CACNA1I: variants seen among roughly 807,000 people sequenced by gnomAD.
CACNA1I encodes the protein calcium voltage-gated channel subunit alpha1 I.
Under a neutral mutation model 201.6 loss-of-function variants are expected in CACNA1I, and 74 were observed. That is an observed-to-expected ratio of 0.37 (90% CI 0.30 to 0.45). The LOEUF (loss-of-function observed/expected upper bound fraction) is 0.45. Among genes scored for constraint, CACNA1I ranks in the 20% least tolerant of loss-of-function variants. CACNA1I has a pLI of 1.00. For synonymous variants in CACNA1I, 1,431 were observed against 1,345.2 expected, an observed-to-expected ratio of 1.06 and a Z score of -1.40; for missense variants, 2,346 against 3,138.1, an observed-to-expected ratio of 0.75 and a Z score of 6.03.
chr22:39,613,660 T>C (rs1933446042), intron 3 of CACNA1I, among the ~76,000 whole-genome samples: 1 of 152,210 alleles, frequency 6.6e-6, no homozygotes, highest in African/African-American at 2.4e-5. Context: ...ATGCTGGCCC[T>C]GGTCCTAGTG....
rs769359907 is a variant in CACNA1I at position 39,641,122 on chromosome 22, C to A, written c.996C>A (p.Asn332Lys). 1 of 1,614,004 alleles carries A rather than the reference C, an allele frequency of 6.2e-7. No individual in the cohort carries two copies. Among genetic ancestry groups the A allele is most frequent in the East Asian group, 2.2e-5 (1 of 44,856 alleles). Residue 332 changes from asparagine (N) to lysine (K), a missense_variant, in exon 6 of 37, where the codon AAC (asparagine) becomes AAA (lysine). This residue lies in a region of CACNA1I where 227 missense variants were observed against 412.5 expected (regional missense o/e 0.55). Coordinates refer to ENST00000402142, the MANE Select transcript of CACNA1I (RefSeq NM_021096.4). ...YYNVCRTGSA[N>K]PHKGAINFDN... is the part of the protein sequence containing the mutation. ...ATGTGTGCCGCACGGGCAGCGCCAACCCCCACAAGGGTGCCATCAACTTTG... is the reference window on the plus strand; with the variant it reads ...ATGTGTGCCGCACGGGCAGCGCCAAACCCCACAAGGGTGCCATCAACTTTG...
At position 39,665,500 on chromosome 22, in the gene CACNA1I, T is replaced by C; in HGVS notation, c.3854T>C (p.Val1285Ala). 1 of 1,613,590 alleles carries C rather than the reference T, an allele frequency of 6.2e-7. No homozygotes were observed. The highest frequency in any genetic ancestry group is 8.5e-7 in the Non-Finnish European group (1 of 1,179,734). ...GCCTGGCCTCTCCCTGCCGTCAGTG[T>C]CATCAGCCGGGCGCCGGGCCTGAAG... ...RLLRTLRPLR[V>A]ISRAPGLKLV... Residue 1285 changes from valine to alanine, a missense_variant and splice_region_variant, in exon 22 of 37, where the codon GTC (valine) becomes GCC (alanine). Val to Ala is a moderately conservative substitution (Grantham distance 64). Transcript: ENST00000402142. The surrounding 1 kb of genome is among the most constrained non-coding windows in gnomAD (Gnocchi z 5.5).
chr22:39,614,577 G>T (rs1388684541), intron 3 of CACNA1I, among the ~76,000 whole-genome samples: 1 of 152,254 alleles, frequency 6.6e-6, no homozygotes, highest in Non-Finnish European at 1.5e-5. Flanking sequence ...TGGCTTAAGG[G>T]CTGGGCTGCC....
chr22:39,655,213 A>G (rs892937210), intron 10 of CACNA1I, among the ~76,000 whole-genome samples: 8 of 152,188 alleles, frequency 5.3e-5, no homozygotes, highest in East Asian at 1.9e-4. Context: ...GGCCTAATCA[A>G]CGCTAGCTGC....
chr22:39,600,886 G>C (rs1933012371), intron 3 of CACNA1I, among the ~76,000 whole-genome samples: 1 of 152,174 alleles, frequency 6.6e-6, no homozygotes, highest in Admixed American at 6.5e-5. Context: ...GCTAATTAAT[G>C]ATACGACCTT....
intron 1 of CACNA1I, among the ~76,000 whole-genome samples, chr22:39,579,771 T>G (rs2145803424): frequency 6.6e-6 from 1 of 152,114 alleles, no homozygotes; most frequent in South Asian, 2.1e-4. Context: ...CTCAGCCTCC[T>G]GAGTAGCTGG....
At position 39,682,532 on chromosome 22, in the gene CACNA1I, G is replaced by C; in HGVS notation, c.5701G>C (p.Asp1901His). The C allele has an allele frequency of 3.7e-6, 6 of 1,613,800 alleles. No homozygotes were observed. Among genetic ancestry groups the C allele is most frequent in the Non-Finnish European group, 4.2e-6 (5 of 1,179,868 alleles). ...LDPPEPMRVG[D>H]LGECFFPLSS... ...CCCACCTGAGCCCATGCGTGTGGGAGACCTGGGCGAATGCTTCTTCCCCTT... is the reference window on the plus strand; with the variant it reads ...CCCACCTGAGCCCATGCGTGTGGGACACCTGGGCGAATGCTTCTTCCCCTT... Residue 1901 changes from aspartate to histidine, a missense_variant, in exon 35 of 37, where the codon GAC (aspartate) becomes CAC (histidine). By Grantham distance (81) the Asp-to-His change is moderately conservative (BLOSUM62 -1). This residue lies in a region of CACNA1I where 441 missense variants were observed against 555.6 expected (regional missense o/e 0.79). Coordinates refer to ENST00000402142, the MANE Select transcript of CACNA1I (RefSeq NM_021096.4).
intron 1 of CACNA1I, among the ~76,000 whole-genome samples, chr22:39,573,745 C>G (rs1351193167): frequency 6.6e-6 from 1 of 152,158 alleles, no homozygotes; most frequent in Non-Finnish European, 1.5e-5. Context: ...TGGTTTTCAC[C>G]ACCCCTCTCA....
At chr22:39,671,114 G>C (rs1049825261) in intron 26 of CACNA1I, among the ~76,000 whole-genome samples, 160 bp downstream of exon 26, 4 of 152,188 alleles carry the variant, frequency 2.6e-5, no homozygotes, top group Admixed American at 6.5e-5. Context: ...GTGGGAGGAG[G>C]TGCCGGACAA....
intron 1 of CACNA1I, among the ~76,000 whole-genome samples, chr22:39,575,085 C>A (rs1462616596): frequency 6.6e-6 from 1 of 152,262 alleles, no homozygotes; most frequent in African/African-American, 2.4e-5. Context: ...CCGCTCCCTG[C>A]CTGGCCTGGG....
At chr22:39,573,509 C>A (rs1202790202) in intron 1 of CACNA1I, among the ~76,000 whole-genome samples, 1 of 152,012 alleles carries the variant, frequency 6.6e-6, no homozygotes, top group Non-Finnish European at 1.5e-5. Context: ...CCTGGGCAGT[C>A]TCCTCTCTCT....
chr22:39,572,776 A>T (rs1243175757), intron 1 of CACNA1I, among the ~76,000 whole-genome samples: 1 of 150,912 alleles, frequency 6.6e-6, no homozygotes, highest in Admixed American at 6.6e-5. Flanking sequence ...TTTTTTTTTT[A>T]GATGGAGTCT....
intron 3 of CACNA1I, among the ~76,000 whole-genome samples, chr22:39,600,891 G>A (rs1933012720): frequency 1.3e-5 from 2 of 152,204 alleles, no homozygotes; most frequent in South Asian, 2.1e-4. Context: ...TTAATGATAC[G>A]ACCTTGAGAG....
At chr22:39,638,276 G>C (rs1934268273) in intron 5 of CACNA1I, among the ~76,000 whole-genome samples, 1 of 152,172 alleles carries the variant, frequency 6.6e-6, no homozygotes, top group African/African-American at 2.4e-5. Flanking sequence ...TATTTTTAGT[G>C]GATAGTCAAC....
intron 1 of CACNA1I, among the ~76,000 whole-genome samples, chr22:39,583,106 AACTGTCCATCCATGCATGCATCCATCTC>A (rs1932624535): frequency 6.8e-6 from 1 of 146,406 alleles, no homozygotes. Context: ...TCATCCATCC[AACTGTCCATCCATGCATGCATCCATCTC>A]TCCATCCATC....
At chr22:39,683,862 C>A (rs1211880529) in intron 35 of CACNA1I, among the ~76,000 whole-genome samples, 2 of 152,234 alleles carry the variant, frequency 1.3e-5, no homozygotes, top group Non-Finnish European at 2.9e-5. Flanking sequence ...CCCACAGTAG[C>A]CCCCAGGCCT....
At chr22:39,628,432 G>A (rs1933958301) in intron 4 of CACNA1I, among the ~76,000 whole-genome samples, 1 of 152,028 alleles carries the variant, frequency 6.6e-6, no homozygotes, top group Non-Finnish European at 1.5e-5. Flanking sequence ...AGTGGTTTGG[G>A]GCACAGCAGG....
At chr22:39,615,426 C>T (rs546740970) in intron 3 of CACNA1I, among the ~76,000 whole-genome samples, 1 of 152,196 alleles carries the variant, frequency 6.6e-6, no homozygotes, top group East Asian at 1.9e-4. Flanking sequence ...GGCAGGAGGG[C>T]AATTGGGAGG....
At chr22:39,661,923 G>T (rs1181456940) in intron 16 of CACNA1I, 42 bp from the exon 17 acceptor site, 2 of 1,326,884 alleles carry the variant, frequency 1.5e-6, no homozygotes, top group Non-Finnish European at 1.0e-6. Flanking sequence ...CCAGCCGTGG[G>T]TGTGCCTGTG....
Sources: allele counts gnomAD v4.1 joint callset (sites outside exome capture counted in the v4.1 genomes callset), GRCh38; gene constraint gnomAD v4.1.1; regional missense constraint gnomAD v4.1.1; non-coding constraint Gnocchi (gnomAD v3.1); transcripts MANE v1.5; gene names NCBI Gene and HGNC (gene_info 2026-07-23, HGNC 2026-07-21).